The following SPP2 variants were observed in gnomAD, a reference collection of about 807,000 sequenced individuals.
SPP2 encodes the protein secreted phosphoprotein 2, also known as secreted phosphoprotein 24.
In SPP2, 34 loss-of-function variants were observed where a neutral mutation model predicts 28.8. The ratio of observed to expected loss-of-function variants is 1.18; its 90% CI spans 0.90 to 1.57. SPP2 has a LOEUF of 1.57. Ranked by LOEUF, SPP2 falls within the 40% of genes most tolerant of loss-of-function variation. The pLI, the probability that SPP2 is intolerant of heterozygous loss-of-function variation, is 0.00. For synonymous variants in SPP2, 96 were observed against 89.4 expected, an observed-to-expected ratio of 1.07 and a Z score of -0.42; for missense variants, 269 against 263.9, an observed-to-expected ratio of 1.02 and a Z score of -0.13.
rs1367519026 is a variant in SPP2, at chr2:234,067,205, G to A, written c.500-19G>A. ...AACAGTGAGAGGAGTCTTGTCTTATGATTATTACTGTGTTACAGGTCTCAT... is the reference window on the plus strand; with the variant it reads ...AACAGTGAGAGGAGTCTTGTCTTATAATTATTACTGTGTTACAGGTCTCAT... On this transcript the variant is annotated intron_variant, in intron 5 of 7. Transcript: ENST00000168148. The A allele has an allele frequency of 6.2e-7, 1 of 1,610,872 alleles. No individual in the cohort carries two copies. The highest frequency in any genetic ancestry group is 8.5e-7 in the Non-Finnish European group (1 of 1,177,242).
At chr2:234,062,368 G>A (rs1263299182) in intron 4 of SPP2, among the ~76,000 whole-genome samples, 1 of 152,180 alleles carries the variant, frequency 6.6e-6, no homozygotes, top group African/African-American at 2.4e-5. Context: ...ATCAGGTGGG[G>A]TACCCTGAAT....
Position 234,058,827 on chromosome 2 carries a change from T to C in SPP2, c.211-9T>C, listed in dbSNP as rs751693700. The C allele has an allele frequency of 2.5e-6, 4 of 1,611,208 alleles. No homozygotes were observed. The South Asian group carries it at 4.4e-5, about 18-fold the overall frequency. Reference sequence around the variant, plus strand: ...ATTGATCACACTCTGAAACTTTATTTTTGTGAAGGTTGAGGTCCTAGATGA... The same window carrying C: ...ATTGATCACACTCTGAAACTTTATTCTTGTGAAGGTTGAGGTCCTAGATGA... On this transcript the variant is annotated splice_polypyrimidine_tract_variant and intron_variant, in intron 2 of 7. Transcript: ENST00000168148.
chr2:234,072,051 C>A (rs1277446813), intron 7 of SPP2, among the ~76,000 whole-genome samples: 1 of 152,268 alleles, frequency 6.6e-6, no homozygotes, highest in African/African-American at 2.4e-5. Context: ...GCCCTGCACA[C>A]AGCCCAGCAC....
chr2:234,076,478 G>A (rs1006243393), intron 7 of SPP2, among the ~76,000 whole-genome samples: 1 of 152,102 alleles, frequency 6.6e-6, no homozygotes, highest in African/African-American at 2.4e-5. Flanking sequence ...CTAGGTTGTG[G>A]GAGGTTTTTG....
chr2:234,070,150 A>T (rs1690722672), intron 7 of SPP2, 127 bp downstream of exon 7: 1 of 656,752 alleles, frequency 1.5e-6, no homozygotes, highest in Non-Finnish European at 2.6e-6. Context: ...GGCTTCTCTG[A>T]CCTCCTTCCC....
chr2:234,060,369 T>C lies in SPP2; in HGVS notation c.334T>C (p.Ser112Pro), dbSNP rs751165065. 5 of 1,613,300 alleles carry C rather than the reference T, an allele frequency of 3.1e-6. No individual in the cohort carries two copies. The highest frequency in any genetic ancestry group is 4.2e-6 in the Non-Finnish European group (5 of 1,179,360). Residue 112 changes from serine to proline, a missense_variant and splice_region_variant, in exon 4 of 8, where the codon TCC becomes CCC. By Grantham distance (74) the Ser-to-Pro change is moderately conservative (BLOSUM62 -1). Transcript: ENST00000168148. The part of the protein sequence containing the change: ...TCAFQRDYYV[S>P]TAVCRSTVKV... ...GAACTCACCCCTTTGTCTTTTCCAG[T>C]CCACAGCTGTTTGCAGAAGCACCGT...
chr2:234,059,247 C>G (rs1334286139), intron 3 of SPP2, among the ~76,000 whole-genome samples: 1 of 152,160 alleles, frequency 6.6e-6, no homozygotes, highest in Non-Finnish European at 1.5e-5. Flanking sequence ...GAATACAACA[C>G]CAGAGACAAA....
At position 234,058,816 on chromosome 2, in the gene SPP2, GA is replaced by G; in HGVS notation, c.211-17del. On this transcript the variant is annotated intron_variant, in intron 2 of 7. Coordinates refer to ENST00000168148, the MANE Select transcript of SPP2 (RefSeq NM_006944.3). ...TTCAGAAATGCATTGATCACACTCT[GA>G]AACTTTATTTTTGTGAAGGTTGAGG... The G allele has an allele frequency of 6.2e-7, 1 of 1,610,256 alleles. No individual in the cohort carries two copies. The highest frequency in any genetic ancestry group is 8.5e-7 in the Non-Finnish European group (1 of 1,178,186).
chr2:234,058,922 T>G lies in SPP2; in HGVS notation c.297T>G (p.Asp99Glu). Residue 99 changes from aspartate to glutamate, a missense_variant, in exon 3 of 8, where the codon GAT becomes GAG. Transcript: ENST00000168148. Reference sequence around the variant, plus strand: ...CATGCAGGAAGGATTCTGGAGAAGATCCCGCTACATGTGCCTTCCAGAGGG... The same window carrying G: ...CATGCAGGAAGGATTCTGGAGAAGAGCCCGCTACATGTGCCTTCCAGAGGG... ...ETTCRKDSGE[D>E]PATCAFQRDY... 1 of 1,614,052 alleles carries G rather than the reference T, an allele frequency of 6.2e-7. No individual in the cohort carries two copies.
chr2:234,062,440 A>T (rs565592314), intron 4 of SPP2, among the ~76,000 whole-genome samples: 1 of 152,272 alleles, frequency 6.6e-6, no homozygotes, highest in African/African-American at 2.4e-5. Context: ...TGAGAAAAAC[A>T]TGGGGAGAGA....
In SPP2 at chr2:234,051,093, A is replaced by G; in HGVS notation, c.208A>G (p.Arg70Gly). Residue 70 changes from arginine (R) to glycine (G), a missense_variant and splice_region_variant, in exon 2 of 8, where the codon AGA becomes GGA. Transcript: ENST00000168148. ...LFRAFRSSLK[R>G]VEVLDENNLV... ...TCGGGCATTCAGAAGCTCATTAAAA[A>G]GAGTAAGTGCAAAATGAAATCTTCT... The G allele has an allele frequency of 6.2e-7, 1 of 1,613,442 alleles. No individual in the cohort carries two copies. Among genetic ancestry groups the G allele is most frequent in the Non-Finnish European group, 8.5e-7 (1 of 1,179,464 alleles).
At chr2:234,059,842 A>C (rs28903999) in intron 3 of SPP2, among the ~76,000 whole-genome samples, 7,898 of 152,288 alleles carry the variant, frequency 0.052, 700 homozygotes, top group African/African-American at 0.18. Context: ...CCCATCTGAA[A>C]AGGGCAACAC....
In SPP2 at chr2:234,050,975, C is replaced by G; in HGVS notation, c.90C>G (p.Phe30Leu). The stretch of plus-strand genomic sequence containing the variant: ...CCCATGTGCTTGCGTGTCCAGGTTT[C>G]CCAGTGTACGACTACGATCCATCCT... Reference protein sequence around the residue: ...LGMNYWSCSGFPVYDYDPSSL... With the variant: ...LGMNYWSCSGLPVYDYDPSSL... Residue 30 changes from phenylalanine (F) to leucine (L), a missense_variant, in exon 2 of 8, where the codon TTC becomes TTG. By Grantham distance (22) the Phe-to-Leu change is conservative. Transcript: ENST00000168148. 6.2e-7 allele frequency: 1 copy of G among 1,614,002 alleles called. No homozygotes were observed. The highest frequency in any genetic ancestry group is 8.5e-7 in the Non-Finnish European group (1 of 1,179,926).
Position 234,051,032 on chromosome 2 carries a change from A to C in SPP2, c.147A>C (p.Val49=). The stretch of plus-strand genomic sequence containing the variant: ...GGGATGCCCTCAGTGCCTCTGTGGT[A>C]AAAGTGAATTCCCAGTCACTGAGTC... The part of the protein sequence containing the change: ...SLRDALSASV[V]KVNSQSLSPY... The change falls in exon 2 of 8, where the codon GTA becomes GTC. Residue 49 remains valine, a synonymous_variant. Coordinates refer to ENST00000168148, the MANE Select transcript of SPP2 (RefSeq NM_006944.3). 1 of 1,614,048 alleles carries C rather than the reference A, an allele frequency of 6.2e-7. No homozygotes were observed. Among genetic ancestry groups the C allele is most frequent in the South Asian group, 1.1e-5 (1 of 91,082 alleles).
chr2:234,063,659 A>T (rs914655675), intron 4 of SPP2, among the ~76,000 whole-genome samples: 1 of 152,214 alleles, frequency 6.6e-6, no homozygotes, highest in Non-Finnish European at 1.5e-5. Context: ...GTGCATAAGC[A>T]CTCACTCAAC....
intron 3 of SPP2, among the ~76,000 whole-genome samples, chr2:234,059,680 C>G (rs533950761): frequency 6.6e-6 from 1 of 152,234 alleles, no homozygotes; most frequent in Admixed American, 6.5e-5. Flanking sequence ...GAATTTGACC[C>G]AAGGCCAGGA....
intron 2 of SPP2, among the ~76,000 whole-genome samples, chr2:234,057,321 G>T (rs991614816): frequency 3.7e-5 from 5 of 136,670 alleles, no homozygotes; most frequent in Non-Finnish European, 6.3e-5. Flanking sequence ...TATGGTTCCT[G>T]CCCTGGTCAG....
At chr2:234,070,492 G>A (rs750370385) in intron 7 of SPP2, among the ~76,000 whole-genome samples, 6 of 151,964 alleles carry the variant, frequency 3.9e-5, no homozygotes, top group African/African-American at 7.3e-5. Flanking sequence ...AGGGAGTTTC[G>A]CTCTTGTTGC....
At chr2:234,068,404 G>A (rs189399957) in intron 6 of SPP2, among the ~76,000 whole-genome samples, 1 of 152,314 alleles carries the variant, frequency 6.6e-6, no homozygotes, top group East Asian at 1.9e-4. Context: ...ACCTGTGCCT[G>A]TTTCATGCTG....
Sources: allele counts gnomAD v4.1 joint callset (sites outside exome capture counted in the v4.1 genomes callset), GRCh38; gene constraint gnomAD v4.1.1; transcripts MANE v1.5; gene names NCBI Gene and HGNC (gene_info 2026-07-23, HGNC 2026-07-21).